Variants in SLC22A5 observed in about 807,000 individuals in gnomAD.
The protein encoded by SLC22A5 is organic cation/carnitine transporter 2.
Under a neutral mutation model 56.7 loss-of-function variants are expected in SLC22A5, and 44 were observed. The observed-to-expected ratio is 0.78, with a 90% confidence interval of 0.61 to 1.00. SLC22A5 has a LOEUF of 1.00. Among genes scored for constraint, SLC22A5 ranks in the 50% least tolerant of loss-of-function variants. SLC22A5 has a pLI of 0.00. For synonymous variants in SLC22A5, 278 were observed against 292.1 expected, an observed-to-expected ratio of 0.95 and a Z score of 0.49; for missense variants, 675 against 723.0, an observed-to-expected ratio of 0.93 and a Z score of 0.76.
intron 3 of SLC22A5, among the ~76,000 whole-genome samples, chr5:132,384,661 G>A (rs1198821881): frequency 2.0e-5 from 3 of 152,222 alleles, no homozygotes; most frequent in East Asian, 3.8e-4. Context: ...GAAAGAGGGC[G>A]GCATGGTTGG....
chr5:132,377,992 G>A, intron 1 of SLC22A5: 1 of 1,039,082 alleles, frequency 9.6e-7, no homozygotes, highest in South Asian at 1.7e-5. Flanking sequence ...CCACTCCAGT[G>A]ACGTTCATGC....
Position 132,392,566 on chromosome 5 carries a change from C to T in SLC22A5, c.1401C>T (p.Ser467=), listed in dbSNP as rs1449055165. 1.9e-6 allele frequency: 3 copies of T among 1,614,120 alleles called. No homozygotes were observed. Among genetic ancestry groups the T allele is most frequent in the Admixed American group, 3.3e-5 (2 of 60,008 alleles). ...GAAACATGGGTGTGGGAGTCAGCTCCACAGCATCCCGCCTGGGCAGCATCC... is the reference window on the plus strand; with the variant it reads ...GAAACATGGGTGTGGGAGTCAGCTCTACAGCATCCCGCCTGGGCAGCATCC... ...VVRNMGVGVS[S]TASRLGSILS... The change falls in exon 8 of 10, where the codon TCC becomes TCT. Residue 467 remains serine (S), a synonymous_variant. Transcript: ENST00000245407.
At chr5:132,374,335 C>T (rs34590412) in intron 1 of SLC22A5, among the ~76,000 whole-genome samples, 12,205 of 152,270 alleles carry the variant, frequency 0.08, 614 homozygotes, top group East Asian at 0.28. Flanking sequence ...CCCACTCCCT[C>T]CCCATTGTCC....
chr5:132,393,644 C>G, intron 8 of SLC22A5, 32 bp from the exon 9 acceptor site: 1 of 1,613,690 alleles, frequency 6.2e-7, no homozygotes, highest in Non-Finnish European at 8.5e-7. Context: ...AACTGCAGCC[C>G]TGGGCCTGAG....
Position 132,370,226 on chromosome 5 carries a change from G to A in SLC22A5, c.254G>A (p.Arg85Gln), listed in dbSNP as rs761608940. ...REVPHSCRRY[R>Q]LATIANFSAL... ...GTGCCCCACAGCTGCCGCCGCTACC[G>A]GCTCGCCACCATCGCCAACTTCTCG... The change falls in exon 1 of 10, where the codon CGG becomes CAG. Residue 85 changes from arginine (R) to glutamine (Q), a missense_variant. Coordinates refer to ENST00000245407, the MANE Select transcript of SLC22A5 (RefSeq NM_003060.4). 1.5e-5 allele frequency: 24 copies of A among 1,576,048 alleles called. No homozygotes were observed. The highest frequency in any genetic ancestry group is 1.7e-4 in the Middle Eastern group (1 of 6,034).
At chr5:132,390,276 A>C (rs1467464168) in intron 6 of SLC22A5, 1 of 334,324 alleles carries the variant, frequency 3.0e-6, no homozygotes, top group Non-Finnish European at 5.7e-6. Flanking sequence ...CTTATCCCCC[A>C]AATCCTATCA....
At chr5:132,372,443 G>A (rs150666263) in intron 1 of SLC22A5, among the ~76,000 whole-genome samples, 243 of 152,260 alleles carry the variant, frequency 1.6e-3, no homozygotes, top group Non-Finnish European at 2.8e-3. Flanking sequence ...AGGGTTCCCC[G>A]GCTTACTCTA....
Position 132,394,257 on chromosome 5 carries a change from A to C in SLC22A5, c.1659A>C (p.Lys553Asn). ...KDGQERPTIL[K>N]STAF ...GTCAAGAAAGGCCCACAATCCTTAA[A>C]AGCACAGCCTTCTAACATCGCTTCC... Residue 553 changes from lysine (K) to asparagine (N), a missense_variant, in exon 10 of 10, where the codon AAA (lysine) becomes AAC (asparagine). Coordinates refer to ENST00000245407, the MANE Select transcript of SLC22A5 (RefSeq NM_003060.4). The C allele has an allele frequency of 1.9e-6, 3 of 1,611,168 alleles. No homozygotes were observed. Among genetic ancestry groups the C allele is most frequent in the Non-Finnish European group, 2.5e-6 (3 of 1,177,196 alleles).
Position 132,393,677 on chromosome 5 carries a change from T to C in SLC22A5, c.1452T>C (p.Gly484=). 1 of 1,614,120 alleles carries C rather than the reference T, an allele frequency of 6.2e-7. No individual in the cohort carries two copies. Among genetic ancestry groups the C allele is most frequent in the East Asian group, 2.2e-5 (1 of 44,872 alleles). The change falls in exon 9 of 10, where the codon GGT becomes GGC. Residue 484 remains glycine (G), a splice_region_variant and synonymous_variant. Transcript: ENST00000245407. ...SILSPYFVYL[G]AYDRFLPYIL... is the part of the protein sequence containing the mutation. ...GAGGCTCCGTCTGCTTTGCCATAGGTGCCTACGACCGCTTCCTGCCCTACA... is the reference window on the plus strand; with the variant it reads ...GAGGCTCCGTCTGCTTTGCCATAGGCGCCTACGACCGCTTCCTGCCCTACA...
At chr5:132,380,600 A>G (rs1450007408) in intron 2 of SLC22A5, 1 of 152,170 alleles carries the variant, frequency 6.6e-6, no homozygotes, top group African/African-American at 2.4e-5. Flanking sequence ...GGAAGTGGTA[A>G]GAGGTAAAAT....
intron 9 of SLC22A5, 69 bp downstream of exon 9, chr5:132,393,880 A>G: frequency 1.9e-6 from 3 of 1,567,776 alleles, no homozygotes; most frequent in Non-Finnish European, 1.8e-6. Flanking sequence ...GGAGCCCCTC[A>G]CAATAGAGCT....
intron 1 of SLC22A5, among the ~76,000 whole-genome samples, chr5:132,372,597 T>G (rs1424949150): frequency 3.3e-5 from 5 of 152,194 alleles, no homozygotes; most frequent in Non-Finnish European, 7.3e-5. Flanking sequence ...ATATTTAGAC[T>G]ATTTATTTAG....
chr5:132,385,952 A>G (rs1164612105), intron 4 of SLC22A5, among the ~76,000 whole-genome samples: 1 of 152,260 alleles, frequency 6.6e-6, no homozygotes, highest in Non-Finnish European at 1.5e-5. Flanking sequence ...CAGGCAGAGA[A>G]GAGGCCATTC....
intron 7 of SLC22A5, 119 bp from the exon 8 acceptor site, chr5:132,392,314 G>A: frequency 1.1e-6 from 1 of 871,722 alleles, no homozygotes; most frequent in Non-Finnish European, 1.9e-6. Flanking sequence ...CCCCACAATA[G>A]GAAGTGATAG....
At position 132,394,379 on chromosome 5, in the gene SLC22A5, G is replaced by T; in HGVS notation, c.*107G>T. 1 of 875,682 alleles carries T rather than the reference G, an allele frequency of 1.1e-6. No individual in the cohort carries two copies. The highest frequency in any genetic ancestry group is 1.3e-5 in the South Asian group (1 of 75,728). 54.2% of individuals were successfully genotyped at this position (875,682 alleles called of 1,614,324 possible). A position where few individuals can be genotyped will look rare whatever the true frequency, so the allele number is the denominator to read the frequency against. ...CAGTGACAAAAGGCCTTTGCTGTTT[G>T]TCCTCTTGACCTGTGTCTGACTTGC... On this transcript the variant is annotated 3_prime_UTR_variant, in exon 10 of 10. Transcript: ENST00000245407.
chr5:132,380,613 A>C (rs1752315375), intron 2 of SLC22A5: 1 of 152,200 alleles, frequency 6.6e-6, no homozygotes, highest in Non-Finnish European at 1.5e-5. Context: ...GGTAAAATCA[A>C]CAAGACTTGC....
intron 1 of SLC22A5, among the ~76,000 whole-genome samples, chr5:132,373,730 G>C (rs918041585): frequency 6.6e-6 from 1 of 152,198 alleles, no homozygotes; most frequent in South Asian, 2.1e-4. Flanking sequence ...TGGTCCACAT[G>C]GTTCTCGGCT....
rs1288969051 is a variant in SLC22A5, at chr5:132,378,472, T to C, written c.488T>C (p.Leu163Pro). 1 of 1,613,708 alleles carries C rather than the reference T, an allele frequency of 6.2e-7. No homozygotes were observed. The change falls in exon 2 of 10, where the codon CTG becomes CCG. Residue 163 changes from leucine (L) to proline (P), a missense_variant. Physicochemically the swap from Leu to Pro is moderately conservative, Grantham distance 98. Transcript: ENST00000245407. ...VLLGSFISGQ[L>P]SDRFGRKNVL... ...TTGGGCTCCTTCATTTCAGGGCAGC[T>C]GTCAGACAGGTAAGGTGTCTGTCTT...
At chr5:132,371,884 G>C (rs1301272800) in intron 1 of SLC22A5, among the ~76,000 whole-genome samples, 1 of 152,152 alleles carries the variant, frequency 6.6e-6, no homozygotes, top group African/African-American at 2.4e-5. Context: ...CCTCAGAGGG[G>C]CTTACAGGGG....
Sources: gnomAD v4.1 joint callset for allele counts (sites outside exome capture counted in the v4.1 genomes callset) on GRCh38, gnomAD v4.1.1 for gene constraint, MANE v1.5 for transcripts, NCBI Gene and HGNC (gene_info 2026-07-23, HGNC 2026-07-21) for gene names.